The following TEX36 variants were observed in gnomAD, a reference collection of about 807,000 sequenced individuals.
The protein encoded by TEX36 is testis-expressed protein 36.
A neutral mutation model predicts 13.6 loss-of-function variants in TEX36; 12 were observed. The observed-to-expected ratio is 0.88, with a 90% confidence interval of 0.56 to 1.43. The LOEUF (loss-of-function observed/expected upper bound fraction) is 1.43. Ranked by LOEUF, TEX36 falls within the 40% of genes most tolerant of loss-of-function variation. The pLI is 0.00. For missense variants in TEX36, 224 were observed against 228.3 expected, an observed-to-expected ratio of 0.98 and a Z score of 0.12; for synonymous variants, 93 against 83.0, an observed-to-expected ratio of 1.12 and a Z score of -0.65.
rs1189651184 is a variant in TEX36, at chr10:125,613,504, C to T, written c.265-36630G>A. Among the ~76,000 whole-genome samples, 3 of 136,924 alleles carry T rather than the reference C, an allele frequency of 2.2e-5. No homozygotes were observed. In the East Asian group the frequency reaches 6.6e-4, roughly 30 times the overall value. The allele number at this position is 136,924 out of a possible 152,430, so 89.8% of individuals were successfully genotyped here. ...GTCCATGTGTTCTCATTGTTCAATT[C>T]TCACCTATGAGTTAGAATATGCGGT... On this transcript the variant is annotated intron_variant, in intron 3 of 3. Transcript: ENST00000532135.
At chr10:125,667,950 T>C (rs1847150840) in intron 1 of TEX36, 2 of 1,007,612 alleles carry the variant, frequency 2.0e-6, no homozygotes, top group South Asian at 2.6e-5. Context: ...CGGTAGGGCA[T>C]GGTGCTGGTG....
intron 3 of TEX36, among the ~76,000 whole-genome samples, 159 bp downstream of exon 3, chr10:125,660,862 A>C (rs1450539652): frequency 1.3e-5 from 2 of 149,520 alleles, no homozygotes; most frequent in Non-Finnish European, 3.0e-5. Context: ...AGCTTTGAAC[A>C]TTTTTTTTTT....
chr10:125,595,563 T>C (rs1846072262), intron 3 of TEX36, among the ~76,000 whole-genome samples: 1 of 152,146 alleles, frequency 6.6e-6, no homozygotes. Flanking sequence ...CTGCCTTCCC[T>C]CTGTGCTCCT....
intron 3 of TEX36, among the ~76,000 whole-genome samples, chr10:125,648,856 G>A (rs184255360): frequency 3.9e-5 from 6 of 152,278 alleles, no homozygotes; most frequent in South Asian, 2.1e-4. Flanking sequence ...ACTACATGAC[G>A]CATGCACAAG....
At chr10:125,679,844 C>T (rs1490350155) in intron 1 of TEX36, among the ~76,000 whole-genome samples, 1 of 152,200 alleles carries the variant, frequency 6.6e-6, no homozygotes, top group Non-Finnish European at 1.5e-5. Flanking sequence ...CGCCCCTCCT[C>T]TGCCTTATTA....
intron 3 of TEX36, among the ~76,000 whole-genome samples, chr10:125,614,655 A>G (rs904137936): frequency 4.3e-4 from 65 of 152,148 alleles, no homozygotes; most frequent in African/African-American, 1.6e-3. Flanking sequence ...CTGTTTTGGT[A>G]CCAGTACCAT....
At position 125,661,921 on chromosome 10, in the gene TEX36, T is replaced by C. The variant is rs1033677327; in HGVS notation, c.108A>G (p.Ser36=). 6.4e-7 allele frequency: 1 copy of C among 1,552,362 alleles called. No individual in the cohort carries two copies. The highest frequency in any genetic ancestry group is 1.2e-5 in the South Asian group (1 of 84,062). ...GCAAGTGTGGACTCTGGGGCTCTTT[T>C]GACGTAGCACTGGTGATGGATTCTG... ...KTPESITSAT[S]KEPQSPHLPR... The change falls in exon 2 of 4, where the codon TCA becomes TCG. Residue 36 remains serine (S), a synonymous_variant. Transcript: ENST00000368821.
chr10:125,660,426 A>G (rs1369297829), intron 3 of TEX36, among the ~76,000 whole-genome samples: 15 of 152,214 alleles, frequency 9.9e-5, no homozygotes, highest in Admixed American at 9.8e-4. Flanking sequence ...CTCCCAGCCA[A>G]TAGAATATAT....
intron 3 of TEX36, among the ~76,000 whole-genome samples, chr10:125,610,130 T>C (rs1438620879): frequency 6.6e-6 from 1 of 152,190 alleles, no homozygotes; most frequent in African/African-American, 2.4e-5. Flanking sequence ...CCTCAGAGAA[T>C]TCCCTGCCCC....
intron 1 of TEX36, among the ~76,000 whole-genome samples, chr10:125,675,434 C>T (rs1847296050): frequency 6.6e-6 from 1 of 152,174 alleles, no homozygotes; most frequent in South Asian, 2.1e-4. Context: ...GCCACCCCTC[C>T]CCCCAGGAAC....
intron 1 of TEX36, among the ~76,000 whole-genome samples, chr10:125,677,075 T>G (rs1847324424): frequency 6.6e-6 from 1 of 152,240 alleles, no homozygotes; most frequent in African/African-American, 2.4e-5. Flanking sequence ...ATTGTTAGTC[T>G]GACGGAGTTT....
At chr10:125,625,033 T>G (rs973781591) in intron 3 of TEX36, among the ~76,000 whole-genome samples, 1 of 152,174 alleles carries the variant, frequency 6.6e-6, no homozygotes, top group South Asian at 2.1e-4. Flanking sequence ...ACAATTGAGA[T>G]GGCAATCTCT....
chr10:125,584,213 C>A (rs116998512), intron 3 of TEX36, among the ~76,000 whole-genome samples: 3,442 of 152,322 alleles, frequency 0.023, 54 homozygotes, highest in Middle Eastern at 0.034. Flanking sequence ...AGACTCCAGG[C>A]AAGACCAGCA....
rs1360498029 is a variant in TEX36 at position 125,624,675 on chromosome 10, T to C, written c.265-3030A>G. ...CAAATACTCATGAGATGTATAATTC[T>C]ACAGAAAAAAAAAAAAAGGCCTGAA... On this transcript the variant is annotated intron_variant, in intron 3 of 3. Coordinates refer to the TEX36 transcript ENST00000526819. 3.6e-5 allele frequency among the ~76,000 whole-genome samples: 5 copies of C among 137,782 alleles called. No homozygotes were observed. In the East Asian group the frequency reaches 1.1e-3, roughly 30 times the overall value. The allele number at this position is 137,782 out of a possible 152,430, so 90.4% of individuals were successfully genotyped here.
At chr10:125,605,068 A>G (rs956251811) in intron 3 of TEX36, among the ~76,000 whole-genome samples, 1 of 152,202 alleles carries the variant, frequency 6.6e-6, no homozygotes, top group Non-Finnish European at 1.5e-5. Flanking sequence ...TGTCTTCCAC[A>G]AAACTGGTCC....
chr10:125,668,750 T>C (rs1019726160), intron 1 of TEX36, among the ~76,000 whole-genome samples: 1 of 152,258 alleles, frequency 6.6e-6, no homozygotes, highest in African/African-American at 2.4e-5. Context: ...TCTTTTCTTC[T>C]GCTAATGCTG....
chr10:125,639,909 C>A (rs544193205), intron 3 of TEX36, among the ~76,000 whole-genome samples: 1 of 152,330 alleles, frequency 6.6e-6, no homozygotes, highest in South Asian at 2.1e-4. Context: ...GGATATGCCA[C>A]TCATGGCCGA....
At chr10:125,670,934 G>T (rs1847216278) in intron 1 of TEX36, among the ~76,000 whole-genome samples, 1 of 151,802 alleles carries the variant, frequency 6.6e-6, no homozygotes, top group African/African-American at 2.4e-5. Flanking sequence ...TTGTTCCATT[G>T]GTCTATGTGT....
At chr10:125,582,978 ACT>A (rs2133523619) in intron 3 of TEX36, among the ~76,000 whole-genome samples, 1 of 152,338 alleles carries the variant, frequency 6.6e-6, no homozygotes, top group South Asian at 2.1e-4. Context: ...CAAGAACAAC[ACT>A]GAGTCATGTT....
Sources: gnomAD v4.1 joint callset for allele counts (sites outside exome capture counted in the v4.1 genomes callset) on GRCh38, gnomAD v4.1.1 for gene constraint, MANE v1.5 for transcripts, NCBI Gene and HGNC (gene_info 2026-07-23, HGNC 2026-07-21) for gene names.